PARP1: variants seen among roughly 807,000 people sequenced by gnomAD.
PARP1 encodes poly [ADP-ribose] polymerase 1.
A neutral mutation model predicts 118.7 loss-of-function variants in PARP1; 44 were observed. The observed-to-expected ratio is 0.37, with a 90% CI of 0.29 to 0.48. The LOEUF (loss-of-function observed/expected upper bound fraction) is 0.48. Among genes scored for constraint, PARP1 ranks in the 20% least tolerant of loss-of-function variants. The probability of loss-of-function intolerance (pLI) is 0.99; values close to 1 mark genes in which losing one functional copy is unlikely to be tolerated. For synonymous variants in PARP1, 492 were observed against 483.2 expected, an observed-to-expected ratio of 1.02 and a Z score of -0.24; for missense variants, 1,100 against 1,272.4, an observed-to-expected ratio of 0.86 and a Z score of 2.06.
At chr1:226,372,914 A>G (rs977191332) in intron 14 of PARP1, among the ~76,000 whole-genome samples, 4 of 152,178 alleles carry the variant, frequency 2.6e-5, no homozygotes, top group East Asian at 1.9e-4. Flanking sequence ...GAGCCCACCC[A>G]TAAGTTGTTC....
intron 17 of PARP1, 81 bp from the exon 18 acceptor site, chr1:226,366,133 C>T: frequency 2.2e-6 from 2 of 892,196 alleles, no homozygotes; most frequent in African/African-American, 1.6e-5. Context: ...TCAGTCAATG[C>T]ATAGCTCAAC....
intron 1 of PARP1, among the ~76,000 whole-genome samples, chr1:226,406,338 T>C (rs1215510780): frequency 1.3e-5 from 2 of 152,218 alleles, no homozygotes; most frequent in Admixed American, 6.5e-5. Context: ...GACCCTGGGT[T>C]AAGAGCTCCT....
At chr1:226,407,006 A>G (rs1456440113) in intron 1 of PARP1, among the ~76,000 whole-genome samples, 3 of 152,200 alleles carry the variant, frequency 2.0e-5, no homozygotes, top group Admixed American at 2.0e-4. Flanking sequence ...TTATTAATAC[A>G]AAGGTAGACA....
chr1:226,389,233 G>A (rs910869880), intron 4 of PARP1, among the ~76,000 whole-genome samples: 1 of 152,168 alleles, frequency 6.6e-6, no homozygotes. Flanking sequence ...AAGGGAAAGA[G>A]GCTGCTCACA....
At chr1:226,407,732 G>A (rs2102750153) in intron 1 of PARP1, 78 bp downstream of exon 1, 5 of 1,102,984 alleles carry the variant, frequency 4.5e-6, no homozygotes, top group South Asian at 1.3e-5. Context: ...CCCTGGGCCC[G>A]CCCTCCCCCA....
In PARP1 at chr1:226,361,433, C is replaced by A. The variant is rs777807405; in HGVS notation, c.*27G>T. The A allele has an allele frequency of 1.3e-6, 2 of 1,503,226 alleles. No homozygotes were observed. Among genetic ancestry groups the A allele is most frequent in the African/African-American group, 2.8e-5 (2 of 72,594 alleles). 93.1% of individuals were successfully genotyped at this position (1,503,226 alleles called of 1,614,324 possible). ...TCGGGTGAATTCATACCAGAGCCACCGGGTGTGACTCGGCTACCTCTCCCA... is the reference window on the plus strand; with the variant it reads ...TCGGGTGAATTCATACCAGAGCCACAGGGTGTGACTCGGCTACCTCTCCCA... On this transcript the variant is annotated 3_prime_UTR_variant, in exon 23 of 23. Transcript: ENST00000366794.
chr1:226,383,498 G>C (rs1664659645), intron 7 of PARP1, among the ~76,000 whole-genome samples: 1 of 152,192 alleles, frequency 6.6e-6, no homozygotes, highest in African/African-American at 2.4e-5. Context: ...CACTGGAACT[G>C]CTGTATGACT....
intron 1 of PARP1, among the ~76,000 whole-genome samples, chr1:226,405,160 G>A (rs1254212662): frequency 1.3e-5 from 2 of 152,164 alleles, no homozygotes; most frequent in African/African-American, 4.8e-5. Flanking sequence ...CAGTCTACCA[G>A]ACCAACTTTA....
chr1:226,403,497 G>A (rs1164979568), intron 1 of PARP1, among the ~76,000 whole-genome samples: 2 of 152,214 alleles, frequency 1.3e-5, no homozygotes, highest in Non-Finnish European at 2.9e-5. Flanking sequence ...CAGAGTGGAC[G>A]GTGACAGCGA....
intron 5 of PARP1, among the ~76,000 whole-genome samples, chr1:226,386,709 C>T (rs955771814): frequency 2.0e-5 from 3 of 152,128 alleles, no homozygotes; most frequent in African/African-American, 7.2e-5. Flanking sequence ...ACCAAGGCTC[C>T]TGGAACCAAC....
chr1:226,365,054 A>C lies in PARP1; in HGVS notation c.2606T>G (p.Phe869Cys). The change falls in exon 19 of 23, where the codon TTT becomes TGT. Residue 869 changes from phenylalanine to cysteine, a missense_variant. Coordinates refer to ENST00000366794, the MANE Select transcript of PARP1 (RefSeq NM_001618.4). ...AAGACCCTGGGACAGGATCCCAGCA[A>C]AGTTGGTGGTCCTGGACCCGTGCCA... is the stretch of plus-strand genomic sequence containing the variant. ...LLWHGSRTTN[F>C]AGILSQGLRI... is the part of the protein sequence containing the mutation. 4 of 1,614,192 alleles carry C rather than the reference A, an allele frequency of 2.5e-6. No individual in the cohort carries two copies. In the South Asian group the frequency reaches 4.4e-5, roughly 18 times the overall value.
At position 226,367,058 on chromosome 1, in the gene PARP1, G is replaced by A. The variant is rs1664284979; in HGVS notation, c.2406+422C>T. The A allele has an allele frequency of 1.1e-5, 3 of 272,846 alleles. No individual in the cohort carries two copies. The South Asian group carries it at 1.3e-4, about 12-fold the overall frequency. The allele number at this position is 272,846 out of a possible 1,614,324, so 16.9% of individuals were successfully genotyped here. A position where few individuals can be genotyped will look rare whatever the true frequency, so the allele number is the denominator to read the frequency against. On this transcript the variant is annotated intron_variant, in intron 17 of 22. Transcript: ENST00000366794. ...ACGCAAGCATTGTGTTTTTATTACA[G>A]GTGCCATCAAGCATTTCCACTTCTG...
Position 226,377,897 on chromosome 1 carries a change from C to A in PARP1, c.1746-594G>T, listed in dbSNP as rs116718184. Among the ~76,000 whole-genome samples the A allele has an allele frequency of 6.6e-3, 1,003 of 152,168 alleles. 14 individuals carry two copies. Among genetic ancestry groups the A allele is most frequent in the African/African-American group, 0.023 (952 of 41,480 alleles). On this transcript the variant is annotated intron_variant, in intron 12 of 22. Transcript: ENST00000366794. ...TTAACTCAAAGCAGAGGTAATGCAA[C>A]ACTTAATTGTCATTTCATAATAAAT...
intron 2 of PARP1, chr1:226,392,958 TA>T: frequency 6.4e-7 from 1 of 1,573,538 alleles, no homozygotes; most frequent in South Asian, 1.2e-5. Flanking sequence ...CCATCACTTC[TA>T]TTCCACATGG....
Position 226,379,896 on chromosome 1 carries a change from T to C in PARP1, c.1543+26A>G, listed in dbSNP as rs200340119. 7.4e-6 allele frequency: 12 copies of C among 1,612,784 alleles called. No individual in the cohort carries two copies. In the East Asian group the frequency reaches 8.9e-5, roughly 12 times the overall value. On this transcript the variant is annotated intron_variant, in intron 10 of 22. Transcript: ENST00000366794. ...CACCAATGTCCCTGGCTTTTGGCCC[T>C]GGAGGGGGCAGCTTGGGGCCCTCAC...
In PARP1 at chr1:226,377,167, A is replaced by C; in HGVS notation, c.1882T>G (p.Ser628Ala). The C allele has an allele frequency of 6.2e-7, 1 of 1,614,078 alleles. No individual in the cohort carries two copies. Among genetic ancestry groups the C allele is most frequent in the East Asian group, 2.2e-5 (1 of 44,886 alleles). Reference sequence around the variant, plus strand: ...TTGGGATACTTCGTGAAATTTTTGGAGTGCCAAGCGTTCCCGGTTTTTTCT... The same window carrying C: ...TTGGGATACTTCGTGAAATTTTTGGCGTGCCAAGCGTTCCCGGTTTTTTCT... ...YEEKTGNAWHSKNFTKYPKKF... is the reference protein window; with the variant it reads ...YEEKTGNAWHAKNFTKYPKKF... The change falls in exon 13 of 23, where the codon TCC becomes GCC. Residue 628 changes from serine (S) to alanine (A), a missense_variant. Physicochemically the swap from Ser to Ala is moderately conservative, Grantham distance 99. Transcript: ENST00000366794.
intron 1 of PARP1, 81 bp from the exon 2 acceptor site, chr1:226,402,460 AC>A: frequency 1.5e-6 from 2 of 1,356,806 alleles, no homozygotes; most frequent in Non-Finnish European, 2.0e-6. Context: ...CTTGACCTCG[AC>A]CCCAGTCCCA....
chr1:226,383,001 AAGC>A (rs1664647224), intron 8 of PARP1, 32 bp downstream of exon 8: 1 of 1,610,268 alleles, frequency 6.2e-7, no homozygotes, highest in South Asian at 1.1e-5. Flanking sequence ...AATTCCTGCA[AAGC>A]AGCTCTAAGA....
chr1:226,380,239 T>C (rs1339381733), intron 9 of PARP1, 75 bp from the exon 10 acceptor site: 1 of 1,425,202 alleles, frequency 7.0e-7, no homozygotes, highest in Non-Finnish European at 9.9e-7. Flanking sequence ...ACTACAGTTA[T>C]ATTTAGTGTG....
Sources: gnomAD v4.1 joint callset for allele counts (sites outside exome capture counted in the v4.1 genomes callset) on GRCh38, gnomAD v4.1.1 for gene constraint, MANE v1.5 for transcripts, NCBI Gene and HGNC (gene_info 2026-07-23, HGNC 2026-07-21) for gene names.